Variants in AQP9 observed in about 807,000 individuals in gnomAD.
The protein encoded by AQP9 is aquaporin-9.
In AQP9, 19 loss-of-function variants were observed where a neutral mutation model predicts 23.8. That is an observed-to-expected ratio of 0.80 (90% CI 0.56 to 1.17). The LOEUF is 1.17. Ranked by LOEUF, AQP9 falls within the 50% of genes most tolerant of loss-of-function variation. The pLI, the probability that AQP9 is intolerant of heterozygous loss-of-function variation, is 0.00. For synonymous variants in AQP9, 153 were observed against 131.5 expected, an observed-to-expected ratio of 1.16 and a Z score of -1.12; for missense variants, 413 against 362.0, an observed-to-expected ratio of 1.14 and a Z score of -1.14.
intron 1 of AQP9, among the ~76,000 whole-genome samples, chr15:58,142,975 C>T (rs1392749416): frequency 6.6e-6 from 1 of 152,134 alleles, no homozygotes; most frequent in African/African-American, 2.4e-5. Context: ...TCCTCAGGCC[C>T]TCGCTCAGAA....
At chr15:58,150,065 G>A (rs1898119049) in intron 1 of AQP9, among the ~76,000 whole-genome samples, 1 of 152,204 alleles carries the variant, frequency 6.6e-6, no homozygotes, top group Admixed American at 6.5e-5. Context: ...CCTTAAGACA[G>A]GAGTCAACAG....
intron 1 of AQP9, among the ~76,000 whole-genome samples, chr15:58,156,835 C>T (rs1197815243): frequency 3.3e-5 from 5 of 152,108 alleles, no homozygotes; most frequent in South Asian, 2.1e-4. Flanking sequence ...CATTCAGGTG[C>T]GTCTGCCATA....
In AQP9 at chr15:58,179,342, T is replaced by C. The variant is rs1187034240; in HGVS notation, c.710T>C (p.Phe237Ser). ...TALAGWGFEV[F>S]RAGNNFWWIP... is the part of the protein sequence containing the mutation. ...TTGGCAGGCTGGGGGTTTGAAGTCTTCAGGTAAGTAACAGTGGTGGGGAAG... is the reference window on the plus strand; with the variant it reads ...TTGGCAGGCTGGGGGTTTGAAGTCTCCAGGTAAGTAACAGTGGTGGGGAAG... Residue 237 changes from phenylalanine to serine, a missense_variant, in exon 5 of 6, where the codon TTC becomes TCC. Physicochemically the swap from Phe to Ser is radical, Grantham distance 155. Coordinates refer to ENST00000219919, the MANE Select transcript of AQP9 (RefSeq NM_020980.5). 5 of 1,611,204 alleles carry C rather than the reference T, an allele frequency of 3.1e-6. No individual in the cohort carries two copies. Among genetic ancestry groups the C allele is most frequent in the Non-Finnish European group, 4.2e-6 (5 of 1,178,664 alleles).
In AQP9 at chr15:58,183,858, G is replaced by A. The variant is rs756398291; in HGVS notation, c.714-103G>A. The A allele has an allele frequency of 1.1e-4, 151 of 1,340,704 alleles. 1 individual carries two copies. In the South Asian group the frequency reaches 1.3e-3, roughly 11 times the overall value. 83.1% of individuals were successfully genotyped at this position (1,340,704 alleles called of 1,614,324 possible). A position where few individuals can be genotyped will look rare whatever the true frequency, so the allele number is the denominator to read the frequency against. Reference sequence around the variant, plus strand: ...TACTTAGCTCTTGCTGAGTTAAGAGGGAACCATGAGTGTGAGAAAGACTAA... The same window carrying A: ...TACTTAGCTCTTGCTGAGTTAAGAGAGAACCATGAGTGTGAGAAAGACTAA... On this transcript the variant is annotated intron_variant, in intron 5 of 5. Coordinates refer to ENST00000219919, the MANE Select transcript of AQP9 (RefSeq NM_020980.5).
At chr15:58,178,865 A>G (rs1364742778) in intron 4 of AQP9, among the ~76,000 whole-genome samples, 3 of 152,202 alleles carry the variant, frequency 2.0e-5, no homozygotes, top group African/African-American at 7.2e-5. Flanking sequence ...CTCTGGATCC[A>G]AACCTGACTG....
At chr15:58,162,013 C>A (rs1035540551) in intron 1 of AQP9, among the ~76,000 whole-genome samples, 1 of 152,146 alleles carries the variant, frequency 6.6e-6, no homozygotes, top group African/African-American at 2.4e-5. Flanking sequence ...TGAAAATCTT[C>A]TTATAAAATT....
Position 58,184,349 on chromosome 15 carries a change from G to T in AQP9, c.*214G>T, listed in dbSNP as rs8043218. The T allele has an allele frequency of 0.013, 5,941 of 454,742 alleles. 253 individuals are homozygous for T. Among genetic ancestry groups the T allele is most frequent in the African/African-American group, 0.13 (4,776 of 37,812 alleles). The allele number at this position is 454,742 out of a possible 1,614,324, so 28.2% of individuals were successfully genotyped here. A position where few individuals can be genotyped will look rare whatever the true frequency, so the allele number is the denominator to read the frequency against. On this transcript the variant is annotated 3_prime_UTR_variant, in exon 6 of 6. Transcript: ENST00000219919. ...CCCCACCCCCACCCCCCAGAATAAC[G>T]CTGACTGTCCCCTGAAACAGCCTTC...
rs189737448 is a variant in AQP9, at chr15:58,181,300, A to G, written c.713+1955A>G. On this transcript the variant is annotated intron_variant, in intron 5 of 5. Coordinates refer to ENST00000219919, the MANE Select transcript of AQP9 (RefSeq NM_020980.5). ...TCTTACTCAAGGCTCTCCACTAAAGATGATAAGACCTAGTTTCTGTCCTTC... is the reference window on the plus strand; with the variant it reads ...TCTTACTCAAGGCTCTCCACTAAAGGTGATAAGACCTAGTTTCTGTCCTTC... Among the ~76,000 whole-genome samples, 33 of 152,348 alleles carry G rather than the reference A, an allele frequency of 2.2e-4. No homozygotes were observed. In the East Asian group the frequency reaches 6.2e-3, roughly 28 times the overall value.
At chr15:58,172,370 A>T (rs1276109679) in intron 2 of AQP9, among the ~76,000 whole-genome samples, 2 of 152,226 alleles carry the variant, frequency 1.3e-5, no homozygotes, top group African/African-American at 4.8e-5. Flanking sequence ...TTAGAGACCA[A>T]CCACAGAGCA....
chr15:58,163,720 T>C (rs1277312942), intron 1 of AQP9, among the ~76,000 whole-genome samples: 3 of 152,050 alleles, frequency 2.0e-5, no homozygotes, highest in Admixed American at 2.0e-4. Context: ...TTCTTGAAGG[T>C]GAGATCAGGG....
At chr15:58,144,374 T>G (rs1421310767) in intron 1 of AQP9, among the ~76,000 whole-genome samples, 1 of 152,244 alleles carries the variant, frequency 6.6e-6, no homozygotes, top group Non-Finnish European at 1.5e-5. Context: ...CAGTTTTGAC[T>G]GTCTATCTTT....
At chr15:58,152,308 A>T (rs1269314293) in intron 1 of AQP9, 1 of 152,146 alleles carries the variant, frequency 6.6e-6, no homozygotes, top group Non-Finnish European at 1.5e-5. Context: ...AAACATCACC[A>T]TTATGCTTAT....
chr15:58,164,321 T>G (rs756366681), intron 1 of AQP9, among the ~76,000 whole-genome samples: 6 of 152,316 alleles, frequency 3.9e-5, no homozygotes, highest in South Asian at 2.1e-4. Flanking sequence ...AGCTCAGGAC[T>G]GGCCTCTCTC....
At position 58,138,670 on chromosome 15, in the gene AQP9, C is replaced by G. The variant is rs766123835; in HGVS notation, c.105C>G (p.Ile35Met). 6.2e-7 allele frequency: 1 copy of G among 1,613,488 alleles called. No homozygotes were observed. Among genetic ancestry groups the G allele is most frequent in the Non-Finnish European group, 8.5e-7 (1 of 1,179,494 alleles). The change falls in exon 1 of 6, where the codon ATC becomes ATG. Residue 35 changes from isoleucine (I) to methionine (M), a missense_variant. Coordinates refer to ENST00000219919, the MANE Select transcript of AQP9 (RefSeq NM_020980.5). ...ETLSEFLGTF[I>M]LIVLGCGCVA... ...TCTCTGAGTTCTTGGGCACGTTCATCTTGATTGTAAGTATTTCCTGATTTC... is the reference window on the plus strand; with the variant it reads ...TCTCTGAGTTCTTGGGCACGTTCATGTTGATTGTAAGTATTTCCTGATTTC...
chr15:58,147,660 C>T (rs1401208283), intron 1 of AQP9, among the ~76,000 whole-genome samples: 3 of 152,120 alleles, frequency 2.0e-5, no homozygotes, highest in Non-Finnish European at 4.4e-5. Flanking sequence ...GCGCACATGC[C>T]TTAGAGTCTT....
chr15:58,151,246 C>A (rs191335962), intron 1 of AQP9: 7 of 152,244 alleles, frequency 4.6e-5, no homozygotes, highest in Admixed American at 3.3e-4. Flanking sequence ...TGCGAAGCCG[C>A]AGTATGCCTT....
At chr15:58,162,119 G>C (rs1898396702) in intron 1 of AQP9, among the ~76,000 whole-genome samples, 1 of 152,218 alleles carries the variant, frequency 6.6e-6, no homozygotes, top group South Asian at 2.1e-4. Context: ...AGAAGGTACA[G>C]GGTTAATTAC....
At chr15:58,143,217 T>A (rs1360926594) in intron 1 of AQP9, among the ~76,000 whole-genome samples, 1 of 152,220 alleles carries the variant, frequency 6.6e-6, no homozygotes, top group East Asian at 1.9e-4. Context: ...TAAGAACGTC[T>A]GAGGTTCTAA....
chr15:58,154,529 C>G (rs1427081231), intron 1 of AQP9: 1 of 151,920 alleles, frequency 6.6e-6, no homozygotes, highest in African/African-American at 2.4e-5. Flanking sequence ...ACCTCGCCCC[C>G]TCACCCTCAA....
Sources: gnomAD v4.1 joint callset for allele counts (sites outside exome capture counted in the v4.1 genomes callset) on GRCh38, gnomAD v4.1.1 for gene constraint, MANE v1.5 for transcripts, NCBI Gene and HGNC (gene_info 2026-07-23, HGNC 2026-07-21) for gene names.